CNDP2: variants seen among roughly 807,000 people sequenced by gnomAD.
CNDP2 encodes the protein carnosine dipeptidase 2, also known as cytosolic non-specific dipeptidase.
In CNDP2, 38 loss-of-function variants were observed where a neutral mutation model predicts 55.0. That is an observed-to-expected ratio of 0.69 (90% CI 0.53 to 0.90). The LOEUF (loss-of-function observed/expected upper bound fraction) is 0.90. CNDP2 is among the 40% of genes least tolerant of loss of function. The pLI, the probability that CNDP2 is intolerant of heterozygous loss-of-function variation, is 0.00. For missense variants in CNDP2, 607 were observed against 621.7 expected (o/e 0.98, Z 0.25); for synonymous variants, 241 against 260.2 (o/e 0.93, Z 0.71).
At chr18:74,509,419 G>A (rs1474601014) in intron 5 of CNDP2, 2 of 153,352 alleles carry the variant, frequency 1.3e-5, no homozygotes, top group African/African-American at 4.8e-5. Context: ...TGGATCACTT[G>A]GGGTCAGGAG....
chr18:74,519,542 C>T (rs915115650), intron 11 of CNDP2, among the ~76,000 whole-genome samples: 14 of 152,100 alleles, frequency 9.2e-5, no homozygotes, highest in South Asian at 6.2e-4. Context: ...TGGGTAGTTC[C>T]GGGGGAGGCC....
At chr18:74,505,580 CAG>C (rs1978964145) in intron 3 of CNDP2, among the ~76,000 whole-genome samples, 1 of 143,596 alleles carries the variant, frequency 7.0e-6, no homozygotes, top group South Asian at 2.2e-4. Flanking sequence ...GCCTGGGTGA[CAG>C]AGCAAGATTC....
In CNDP2 at chr18:74,505,844, C is replaced by G. The variant is rs373294716; in HGVS notation, c.205-5C>G. On this transcript the variant is annotated splice_region_variant and splice_polypyrimidine_tract_variant and intron_variant, in intron 3 of 11. Transcript: ENST00000324262. The stretch of plus-strand genomic sequence containing the variant: ...GTCCTTGGTTCCTTTCCTCTCCATG[C>G]TCAGCTCCCTGATGGCTCGGAGATC... 271 of 1,612,750 alleles carry G rather than the reference C, an allele frequency of 1.7e-4. No individual in the cohort carries two copies. Among genetic ancestry groups the G allele is most frequent in the Non-Finnish European group, 2.2e-4 (260 of 1,179,562 alleles).
chr18:74,502,870 G>A (rs189697812), intron 3 of CNDP2, among the ~76,000 whole-genome samples: 1 of 152,136 alleles, frequency 6.6e-6, no homozygotes, highest in Non-Finnish European at 1.5e-5. Context: ...CCCACAGGAG[G>A]CTCATGCAGA....
Position 74,505,847 on chromosome 18 carries a change from A to T in CNDP2, c.205-2A>T. On this transcript the variant is annotated splice_acceptor_variant, in intron 3 of 11. Coordinates refer to ENST00000324262, the MANE Select transcript of CNDP2 (RefSeq NM_018235.3). LOFTEE classifies it high-confidence loss of function. Reference sequence around the variant, plus strand: ...CTTGGTTCCTTTCCTCTCCATGCTCAGCTCCCTGATGGCTCGGAGATCCCG... The same window carrying T: ...CTTGGTTCCTTTCCTCTCCATGCTCTGCTCCCTGATGGCTCGGAGATCCCG... 1 of 1,612,844 alleles carries T rather than the reference A, an allele frequency of 6.2e-7. No homozygotes were observed. The highest frequency in any genetic ancestry group is 2.2e-5 in the East Asian group (1 of 44,812).
chr18:74,513,582 A>G lies in CNDP2; in HGVS notation c.766A>G (p.Asn256Asp). ...LMGSLVDKRG[N>D]ILIPGINEAV... ...AGGCTCTTTGGTGGACAAGAGGGGG[A>G]ACATCCTGATCCCCGGCATTAACGA... Residue 256 changes from asparagine to aspartate, a missense_variant, in exon 8 of 12, where the codon AAC becomes GAC. Asn to Asp is a conservative substitution (Grantham distance 23). Transcript: ENST00000324262. 6.2e-7 allele frequency: 1 copy of G among 1,613,476 alleles called. No homozygotes were observed. The highest frequency in any genetic ancestry group is 1.1e-5 in the South Asian group (1 of 91,074).
At chr18:74,513,534 T>G (rs1214763023) in intron 7 of CNDP2, 25 bp from the exon 8 acceptor site, 2 of 1,600,756 alleles carry the variant, frequency 1.2e-6, no homozygotes, top group African/African-American at 2.7e-5. Context: ...CCCTGAGTGC[T>G]GTAACCCTCT....
Position 74,510,959 on chromosome 18 carries a change from G to C in CNDP2, c.603G>C (p.Lys201Asn). ...TTTCTGACAATTACTGGCTGGGAAA[G>C]AAGAAGCCCTGCATCACCTACGGCC... Reference protein sequence around the residue: ...VCISDNYWLGKKKPCITYGLR... With the variant: ...VCISDNYWLGNKKPCITYGLR... Residue 201 changes from lysine to asparagine, a missense_variant, in exon 6 of 12, where the codon AAG becomes AAC. By Grantham distance (94) the Lys-to-Asn change is moderately conservative. Coordinates refer to ENST00000324262, the MANE Select transcript of CNDP2 (RefSeq NM_018235.3). The C allele has an allele frequency of 1.2e-5, 19 of 1,614,228 alleles. No individual in the cohort carries two copies. Among genetic ancestry groups the C allele is most frequent in the Non-Finnish European group, 1.6e-5 (19 of 1,180,032 alleles).
intron 7 of CNDP2, among the ~76,000 whole-genome samples, chr18:74,513,220 T>C (rs2144602538): frequency 6.6e-6 from 1 of 152,378 alleles, no homozygotes; most frequent in Non-Finnish European, 1.5e-5. Context: ...TCGTGGTCTA[T>C]GACCAAGGAC....
At position 74,513,611 on chromosome 18, in the gene CNDP2, C is replaced by A; in HGVS notation, c.795C>A (p.Ala265=). 1 of 1,613,956 alleles carries A rather than the reference C, an allele frequency of 6.2e-7. No homozygotes were observed. The highest frequency in any genetic ancestry group is 8.5e-7 in the Non-Finnish European group (1 of 1,180,014). The part of the protein sequence containing the change: ...GNILIPGINE[A]VAAVTEEEHK... ...TCCTGATCCCCGGCATTAACGAGGC[C>A]GTGGCCGCCGTCACGGAAGAGGAGC... is the stretch of plus-strand genomic sequence containing the variant. Residue 265 remains alanine, a synonymous_variant, in exon 8 of 12, where the codon GCC becomes GCA. Coordinates refer to ENST00000324262, the MANE Select transcript of CNDP2 (RefSeq NM_018235.3).
chr18:74,518,593 A>C lies in CNDP2; in HGVS notation c.1163A>C (p.Asp388Ala). Residue 388 changes from aspartate to alanine, a missense_variant, in exon 10 of 12, where the codon GAC becomes GCC. Transcript: ENST00000324262. ...MGHGGKPWVS[D>A]FSHPHYLAGR... ...CACGGTGGGAAGCCCTGGGTCTCCGACTTCAGTCACCCTCATTACCTGGCT... is the reference window on the plus strand; with the variant it reads ...CACGGTGGGAAGCCCTGGGTCTCCGCCTTCAGTCACCCTCATTACCTGGCT... 1 of 1,614,172 alleles carries C rather than the reference A, an allele frequency of 6.2e-7. No homozygotes were observed. The highest frequency in any genetic ancestry group is 8.5e-7 in the Non-Finnish European group (1 of 1,180,026).
chr18:74,522,071 T>G lies in CNDP2; in HGVS notation c.*2003T>G, dbSNP rs1381288991. 1 of 152,222 alleles carries G rather than the reference T, an allele frequency of 6.6e-6. No individual in the cohort carries two copies. The highest frequency in any genetic ancestry group is 1.5e-5 in the Non-Finnish European group (1 of 68,040). The allele number at this position is 152,222 out of a possible 1,614,324, so 9.4% of individuals were successfully genotyped here. ...TGTGAGGAAAATCTGTAGTTGGTTT[T>G]ACGTGGATGTTAATCTCTTAGTTTT... On this transcript the variant is annotated 3_prime_UTR_variant, in exon 12 of 12. Coordinates refer to ENST00000324262, the MANE Select transcript of CNDP2 (RefSeq NM_018235.3).
chr18:74,510,227 A>G lies in CNDP2; in HGVS notation c.457-586A>G, dbSNP rs144283820. On this transcript the variant is annotated intron_variant, in intron 5 of 11. Coordinates refer to ENST00000324262, the MANE Select transcript of CNDP2 (RefSeq NM_018235.3). ...CCTGGGTGGTCGTGAAATAGGACTC[A>G]GTAGCCTTGAGTCCTCATTTAGGCC... is the stretch of plus-strand genomic sequence containing the variant. Among the ~76,000 whole-genome samples the G allele has an allele frequency of 4.4e-3, 668 of 152,356 alleles. 4 individuals are homozygous for G. The highest frequency in any genetic ancestry group is 8.0e-3 in the Non-Finnish European group (543 of 68,032).
At chr18:74,499,586 G>A (rs1978577258) in intron 1 of CNDP2, 3 of 201,734 alleles carry the variant, frequency 1.5e-5, no homozygotes, top group Non-Finnish European at 3.0e-5. Flanking sequence ...TGCTTTAAGA[G>A]TGTAAAAATT....
chr18:74,518,940 T>TCC lies in CNDP2; in HGVS notation c.1211-4_1211-3dup, dbSNP rs5826329. On this transcript the variant is annotated splice_polypyrimidine_tract_variant and intron_variant, in intron 10 of 11. Coordinates refer to ENST00000324262, the MANE Select transcript of CNDP2 (RefSeq NM_018235.3). ...AGCTCACCGTTTATTTTATTTCATT[T>TCC]CCCCCCAGTTTTTGGTGTTGAGCCA... 8.7e-6 allele frequency: 14 copies of TCC among 1,613,442 alleles called. No homozygotes were observed. Among genetic ancestry groups the TCC allele is most frequent in the South Asian group, 2.2e-5 (2 of 91,026 alleles).
rs5826329 is a variant in CNDP2, at chr18:74,518,940, T to TC, written c.1211-3dup. On this transcript the variant is annotated splice_polypyrimidine_tract_variant and intron_variant, in intron 10 of 11. Coordinates refer to ENST00000324262, the MANE Select transcript of CNDP2 (RefSeq NM_018235.3). ...AGCTCACCGTTTATTTTATTTCATT[T>TC]CCCCCCAGTTTTTGGTGTTGAGCCA... The TC allele has an allele frequency of 0.73, 1,180,264 of 1,613,380 alleles. 435,267 individuals carry two copies. The highest frequency in any genetic ancestry group is 0.91 in the East Asian group (40,646 of 44,828).
intron 6 of CNDP2, chr18:74,511,267 G>A (rs1347188243): frequency 3.9e-6 from 2 of 516,352 alleles, no homozygotes; most frequent in African/African-American, 3.8e-5. Context: ...TTGCTTTGGA[G>A]CGGCTGAGAG....
Position 74,520,018 on chromosome 18 carries a change from A to G in CNDP2, c.1378A>G (p.Thr460Ala), listed in dbSNP as rs1449097067. 3.1e-6 allele frequency: 5 copies of G among 1,613,952 alleles called. No individual in the cohort carries two copies. Among genetic ancestry groups the G allele is most frequent in the Non-Finnish European group, 4.2e-6 (5 of 1,179,982 alleles). Reference sequence around the variant, plus strand: ...TACCAGGTATAACTACATAGAGGGAACCAAGATGCTGGCCGCGTACCTGTA... The same window carrying G: ...TACCAGGTATAACTACATAGAGGGAGCCAAGATGCTGGCCGCGTACCTGTA... ...KLNRYNYIEG[T>A]KMLAAYLYEV... The change falls in exon 12 of 12, where the codon ACC becomes GCC. Residue 460 changes from threonine (T) to alanine (A), a missense_variant. Coordinates refer to ENST00000324262, the MANE Select transcript of CNDP2 (RefSeq NM_018235.3).
At chr18:74,516,496 C>A (rs368195115) in intron 9 of CNDP2, 104 bp downstream of exon 9, 8 of 1,159,454 alleles carry the variant, frequency 6.9e-6, no homozygotes, top group Non-Finnish European at 9.5e-6. Flanking sequence ...GCCATGCATG[C>A]CCCCGCTTCC....
Sources: gnomAD v4.1 joint callset for allele counts (sites outside exome capture counted in the v4.1 genomes callset) on GRCh38, gnomAD v4.1.1 for gene constraint, MANE v1.5 for transcripts, NCBI Gene and HGNC (gene_info 2026-07-23, HGNC 2026-07-21) for gene names.